PELI2: variants seen among roughly 807,000 people sequenced by gnomAD.
The protein encoded by PELI2 is pellino E3 ubiquitin protein ligase family member 2.
PELI2 carries 23 observed loss-of-function variants against 42.3 expected under a neutral mutation model. The ratio of observed to expected loss-of-function variants is 0.54; its 90% CI spans 0.39 to 0.77. PELI2 has a LOEUF of 0.77. Among genes scored for constraint, PELI2 ranks in the 30% least tolerant of loss-of-function variants. PELI2 has a pLI of 0.00. For synonymous variants in PELI2, 245 were observed against 212.2 expected (o/e 1.15, Z -1.34); for missense variants, 463 against 553.2 (o/e 0.84, Z 1.64).
chr14:56,120,611 G>A (rs1883027341), intron 1 of PELI2, among the ~76,000 whole-genome samples: 1 of 152,230 alleles, frequency 6.6e-6, no homozygotes, highest in African/African-American at 2.4e-5. Flanking sequence ...ACCGTCGTTT[G>A]TGTACCTACT....
At chr14:56,278,809 A>G (rs946564929) in intron 2 of PELI2, among the ~76,000 whole-genome samples, 2 of 152,320 alleles carry the variant, frequency 1.3e-5, no homozygotes, top group African/African-American at 4.8e-5. Context: ...AGAAAAGCTT[A>G]TTAAAATTTT....
intron 2 of PELI2, among the ~76,000 whole-genome samples, chr14:56,256,239 A>C (rs190061941): frequency 1.3e-5 from 2 of 152,106 alleles, no homozygotes; most frequent in East Asian, 3.9e-4. Flanking sequence ...ACCAGCCTGG[A>C]CAACATAGTG....
chr14:56,255,414 C>G (rs138105908), intron 2 of PELI2, among the ~76,000 whole-genome samples: 1,815 of 152,156 alleles, frequency 0.012, 18 homozygotes, highest in Middle Eastern at 0.051. Flanking sequence ...CATATTCTCA[C>G]TCATAAGTGG....
chr14:56,235,970 T>C (rs1887778934), intron 2 of PELI2, among the ~76,000 whole-genome samples: 1 of 152,316 alleles, frequency 6.6e-6, no homozygotes, highest in East Asian at 1.9e-4. Context: ...CATAAAATAA[T>C]TTAACTGTTG....
chr14:56,269,985 C>T (rs1889040601), intron 2 of PELI2, among the ~76,000 whole-genome samples: 1 of 152,160 alleles, frequency 6.6e-6, no homozygotes, highest in Non-Finnish European at 1.5e-5. Flanking sequence ...TTGAGCGTGA[C>T]CCCAAATTAG....
intron 2 of PELI2, among the ~76,000 whole-genome samples, chr14:56,225,059 A>G (rs551786428): frequency 6.6e-6 from 1 of 152,296 alleles, no homozygotes; most frequent in Non-Finnish European, 1.5e-5. Flanking sequence ...GCCTACCGTA[A>G]TGCTGGGTGC....
chr14:56,120,365 G>T (rs563004367), intron 1 of PELI2, among the ~76,000 whole-genome samples: 1 of 152,308 alleles, frequency 6.6e-6, no homozygotes, highest in South Asian at 2.1e-4. Context: ...AATCATTGTT[G>T]AGATGTTTCA....
chr14:56,199,974 C>T (rs1886274452), intron 2 of PELI2, among the ~76,000 whole-genome samples: 2 of 152,204 alleles, frequency 1.3e-5, no homozygotes, highest in Admixed American at 6.5e-5. Flanking sequence ...GGTGTATTCA[C>T]CTGGTAGACA....
intron 2 of PELI2, among the ~76,000 whole-genome samples, chr14:56,200,638 C>T (rs755761379): frequency 5.9e-5 from 9 of 152,174 alleles, no homozygotes; most frequent in Admixed American, 2.6e-4. Flanking sequence ...GAAATATTGG[C>T]TTTTTGATTT....
At chr14:56,155,988 C>CTAAAACT (rs1884553332) in intron 1 of PELI2, among the ~76,000 whole-genome samples, 1 of 152,098 alleles carries the variant, frequency 6.6e-6, no homozygotes, top group South Asian at 2.1e-4. Flanking sequence ...ATTGATTAAG[C>CTAAAACT]TAAAACTTTT....
intron 2 of PELI2, among the ~76,000 whole-genome samples, chr14:56,247,186 C>T (rs1029577425): frequency 2.0e-5 from 3 of 152,186 alleles, no homozygotes; most frequent in African/African-American, 7.2e-5. Flanking sequence ...TCAACATACA[C>T]ACACGGAATT....
chr14:56,159,507 C>A (rs1884680562), intron 1 of PELI2, among the ~76,000 whole-genome samples: 1 of 152,054 alleles, frequency 6.6e-6, no homozygotes, highest in Non-Finnish European at 1.5e-5. Flanking sequence ...TAATAACAAA[C>A]CTTTACCTGG....
At chr14:56,260,707 G>A (rs988514173) in intron 2 of PELI2, among the ~76,000 whole-genome samples, 54 of 152,162 alleles carry the variant, frequency 3.5e-4, no homozygotes, top group Non-Finnish European at 1.2e-4. Flanking sequence ...ATCCTTGTGT[G>A]AGTAAATAGT....
At chr14:56,189,471 T>G (rs571494025) in intron 2 of PELI2, among the ~76,000 whole-genome samples, 82 of 152,216 alleles carry the variant, frequency 5.4e-4, no homozygotes, top group Non-Finnish European at 9.3e-4. Context: ...CATGGCTCTC[T>G]GCCTGATTTC....
At chr14:56,224,654 C>T (rs1225262465) in intron 2 of PELI2, among the ~76,000 whole-genome samples, 1 of 152,250 alleles carries the variant, frequency 6.6e-6, no homozygotes, top group East Asian at 1.9e-4. Context: ...TATTAGCTCA[C>T]AAAAGCAAAT....
intron 2 of PELI2, among the ~76,000 whole-genome samples, chr14:56,217,621 A>G (rs1886955813): frequency 6.6e-6 from 1 of 152,230 alleles, no homozygotes; most frequent in African/African-American, 2.4e-5. Flanking sequence ...CAAACATTTG[A>G]TACCCTTTCA....
Position 56,288,223 on chromosome 14 carries a change from AAAATT to A in PELI2, c.310-210_310-206del, listed in dbSNP as rs1235208261. ...TATTATATTCTTAGCACAATACAAT[AAAATT>A]AAAAATAGGTATCTCTAATATTTGG... On this transcript the variant is annotated intron_variant, in intron 3 of 5. Coordinates refer to ENST00000267460, the MANE Select transcript of PELI2 (RefSeq NM_021255.3). The surrounding 1 kb of genome is among the most constrained non-coding windows in gnomAD (Gnocchi z 4.6). Among the ~76,000 whole-genome samples, 1 of 152,228 alleles carries A rather than the reference AAAATT, an allele frequency of 6.6e-6. No individual in the cohort carries two copies. Among genetic ancestry groups the A allele is most frequent in the Non-Finnish European group, 1.5e-5 (1 of 68,046 alleles).
In PELI2 at chr14:56,169,538, C is replaced by G. The variant is rs112294116; in HGVS notation, c.78-8797C>G. ...TCAGCTCCCAGAGAAGCTCTTAGCA[C>G]TAGGCTTGTTGCTGCTGCGTGGGGT... On this transcript the variant is annotated intron_variant, in intron 1 of 5. Transcript: ENST00000267460. Among the ~76,000 whole-genome samples the G allele has an allele frequency of 4.1e-3, 626 of 152,312 alleles. 4 individuals are homozygous for G. Among genetic ancestry groups the G allele is most frequent in the African/African-American group, 0.014 (597 of 41,566 alleles).
At position 56,288,826 on chromosome 14, in the gene PELI2, T is replaced by C. The variant is rs1889728110; in HGVS notation, c.507+192T>C. Among the ~76,000 whole-genome samples the C allele has an allele frequency of 6.6e-6, 1 of 152,222 alleles. No homozygotes were observed. Among genetic ancestry groups the C allele is most frequent in the Non-Finnish European group, 1.5e-5 (1 of 68,046 alleles). ...AACATTAATAAGCATTGCTTGTTATTCATTATATTTTTTATATTGTAATAT... is the reference window on the plus strand; with the variant it reads ...AACATTAATAAGCATTGCTTGTTATCCATTATATTTTTTATATTGTAATAT... On this transcript the variant is annotated intron_variant, in intron 4 of 5. Coordinates refer to ENST00000267460, the MANE Select transcript of PELI2 (RefSeq NM_021255.3). The surrounding 1 kb of genome is among the most constrained non-coding windows in gnomAD (Gnocchi z 4.6).
Sources: gnomAD v4.1 joint callset for allele counts (sites outside exome capture counted in the v4.1 genomes callset) on GRCh38, gnomAD v4.1.1 for gene constraint, Gnocchi (gnomAD v3.1) non-coding constraint, MANE v1.5 for transcripts, NCBI Gene and HGNC (gene_info 2026-07-23, HGNC 2026-07-21) for gene names.